POLDIP3: variants seen among roughly 807,000 people sequenced by gnomAD.
POLDIP3 encodes the protein DNA polymerase delta interacting protein 3, also known as polymerase delta-interacting protein 3.
A neutral mutation model predicts 45.1 loss-of-function variants in POLDIP3; 14 were observed. The ratio of observed to expected loss-of-function variants is 0.31; its 90% confidence interval spans 0.20 to 0.49. The LOEUF is 0.49. POLDIP3 is among the 20% of genes least tolerant of loss of function. The pLI is 0.99. For missense variants in POLDIP3, 511 were observed against 538.8 expected (o/e 0.95, Z 0.51); for synonymous variants, 223 against 205.2 (o/e 1.09, Z -0.74).
rs113200255 is a variant in POLDIP3, at chr22:42,593,776, C to G, written c.892-1692G>C. 8.2e-3 allele frequency among the ~76,000 whole-genome samples: 1,249 copies of G among 152,242 alleles called. 20 individuals carry two copies. The highest frequency in any genetic ancestry group is 0.029 in the African/African-American group (1,217 of 41,546). ...TCAGGTGATCCACCAACCTTGGCCT[C>G]CCAAAGTGCTGGGATTACAGGCGTG... On this transcript the variant is annotated intron_variant, in intron 6 of 8. Coordinates refer to ENST00000252115, the MANE Select transcript of POLDIP3 (RefSeq NM_032311.5).
rs1926515804 is a variant in POLDIP3 at position 42,603,223 on chromosome 22, CG to C, written c.60-64del. 26 of 1,551,336 alleles carry C rather than the reference CG, an allele frequency of 1.7e-5. No individual in the cohort carries two copies. The South Asian group carries it at 2.9e-4, about 17-fold the overall frequency. On this transcript the variant is annotated intron_variant, in intron 1 of 8. Transcript: ENST00000252115. ...GGGTATCTACAGCAGTCTATGAAAG[CG>C]GAACTGTGGTAACACTGGGGACAGA...
In POLDIP3 at chr22:42,601,953, TCA is replaced by T. The variant is rs1401497785; in HGVS notation, c.537+15_537+16del. ...TACACACAGATTCTCTCTCTCTCTC[TCA>T]CTCACTCACTCTACCTGTTTGGCCT... On this transcript the variant is annotated intron_variant, in intron 3 of 8. Transcript: ENST00000252115. 2.5e-6 allele frequency: 4 copies of T among 1,608,470 alleles called. No individual in the cohort carries two copies. The highest frequency in any genetic ancestry group is 1.3e-5 in the African/African-American group (1 of 74,744).
intron 2 of POLDIP3, 61 bp downstream of exon 2, chr22:42,602,709 G>A: frequency 1.3e-6 from 2 of 1,522,920 alleles, no homozygotes; most frequent in Non-Finnish European, 1.8e-6. Context: ...CTGGCACCTT[G>A]CCTCTAAATC....
intron 1 of POLDIP3, among the ~76,000 whole-genome samples, chr22:42,610,889 G>T (rs1458884205): frequency 2.0e-5 from 3 of 152,166 alleles, no homozygotes; most frequent in Non-Finnish European, 4.4e-5. Context: ...CTGGATGACA[G>T]AGCAAGATCC....
rs550774418 is a variant in POLDIP3 at position 42,608,226 on chromosome 22, C to T, written c.60-5066G>A. 5.3e-5 allele frequency among the ~76,000 whole-genome samples: 8 copies of T among 151,134 alleles called. No homozygotes were observed. The South Asian group carries it at 1.5e-3, about 28-fold the overall frequency. On this transcript the variant is annotated intron_variant, in intron 1 of 8. Transcript: ENST00000252115. The stretch of plus-strand genomic sequence containing the variant: ...TCTGTACTAAGAAAAATTCTTCTGC[C>T]TTGGGATGCTGTTAATCTATAACCT...
At position 42,585,135 on chromosome 22, in the gene POLDIP3, AGACGACACGG is replaced by A. The variant is rs1344420932; in HGVS notation, c.*646_*655del. 2.3e-6 allele frequency: 1 copy of A among 440,102 alleles called. No homozygotes were observed. The highest frequency in any genetic ancestry group is 4.6e-6 in the Non-Finnish European group (1 of 219,250). The allele number at this position is 440,102 out of a possible 1,614,324, so 27.3% of individuals were successfully genotyped here. ...ACTCTGGAGAACTTCCTCTGGGTGG[AGACGACACGG>A]GACTCCAAGCCAAGAGCTTAGATAG... On this transcript the variant is annotated 3_prime_UTR_variant, in exon 9 of 9. Coordinates refer to ENST00000252115, the MANE Select transcript of POLDIP3 (RefSeq NM_032311.5).
In POLDIP3 at chr22:42,592,047, C is replaced by T. The variant is rs1925698028; in HGVS notation, c.929G>A (p.Arg310Gln). ...CTCCGCTACCCCAGGATGGACCAGT[C>T]GAGCTCGCTTGAGGGCCCCACACAC... ...FCVCGALKRARLVHPGVAEVV... is the reference protein window; with the variant it reads ...FCVCGALKRAQLVHPGVAEVV... Residue 310 changes from arginine (R) to glutamine (Q), a missense_variant, in exon 7 of 9, where the codon CGA becomes CAA. Arg to Gln is a conservative substitution (Grantham distance 43, BLOSUM62 1). Transcript: ENST00000252115. 9 of 1,614,238 alleles carry T rather than the reference C, an allele frequency of 5.6e-6. No homozygotes were observed. The highest frequency in any genetic ancestry group is 1.3e-5 in the African/African-American group (1 of 75,074).
In POLDIP3 at chr22:42,602,645, C is replaced by G. The variant is rs1601900112; in HGVS notation, c.450+125G>C. 3.5e-6 allele frequency: 4 copies of G among 1,130,790 alleles called. No individual in the cohort carries two copies. In the East Asian group the frequency reaches 9.5e-5, roughly 27 times the overall value. 70.0% of individuals were successfully genotyped at this position (1,130,790 alleles called of 1,614,324 possible). On this transcript the variant is annotated intron_variant, in intron 2 of 8. Coordinates refer to ENST00000252115, the MANE Select transcript of POLDIP3 (RefSeq NM_032311.5). ...ACGTACTTAAAGCCTCTGTAAGGAG[C>G]AAAGTCTGTATTATGCCAACACTTG... is the stretch of plus-strand genomic sequence containing the variant.
chr22:42,611,588 G>C (rs1540311), intron 1 of POLDIP3, among the ~76,000 whole-genome samples: 34,697 of 152,216 alleles, frequency 0.23, 4,920 homozygotes, highest in South Asian at 0.34. Flanking sequence ...GATTCTTCTA[G>C]GCAGTATGTA....
At chr22:42,588,516 G>A (rs1387294500) in intron 7 of POLDIP3, among the ~76,000 whole-genome samples, 2 of 149,098 alleles carry the variant, frequency 1.3e-5, no homozygotes, top group East Asian at 3.9e-4. Context: ...TATTAAATAT[G>A]AATGGATTAA....
At chr22:42,602,506 T>C (rs1926456485) in intron 2 of POLDIP3, among the ~76,000 whole-genome samples, 1 of 152,206 alleles carries the variant, frequency 6.6e-6, no homozygotes, top group Admixed American at 6.5e-5. Context: ...TCCTCTCTCT[T>C]TCTTCCACCA....
Position 42,585,461 on chromosome 22 carries a change from G to C in POLDIP3, c.*330C>G. ...CACGCTGCATCCCATGGGGCCACAA[G>C]AAAGCCACCCAGAGAATTCAGTGTA... is the stretch of plus-strand genomic sequence containing the variant. On this transcript the variant is annotated 3_prime_UTR_variant, in exon 9 of 9. Transcript: ENST00000252115. 1 of 365,014 alleles carries C rather than the reference G, an allele frequency of 2.7e-6. No homozygotes were observed. The highest frequency in any genetic ancestry group is 5.3e-6 in the Non-Finnish European group (1 of 189,566). The allele number at this position is 365,014 out of a possible 1,614,324, so 22.6% of individuals were successfully genotyped here.
chr22:42,590,986 G>A (rs1925630193), intron 7 of POLDIP3, among the ~76,000 whole-genome samples: 1 of 151,910 alleles, frequency 6.6e-6, no homozygotes. Flanking sequence ...AGGCAGGAAA[G>A]CCGCTTGAAC....
chr22:42,611,639 C>A (rs2146839662), intron 1 of POLDIP3, among the ~76,000 whole-genome samples: 1 of 152,316 alleles, frequency 6.6e-6, no homozygotes, highest in African/African-American at 2.4e-5. Flanking sequence ...CTTTGGGAGG[C>A]TGAGACGGGT....
chr22:42,595,527 C>A lies in POLDIP3; in HGVS notation c.891+10G>T. On this transcript the variant is annotated intron_variant, in intron 6 of 8. Transcript: ENST00000252115. The stretch of plus-strand genomic sequence containing the variant: ...TGAGATTTAAATGTTTGGTAGGTCA[C>A]AGTACTTACAACAATGTCCTCCTCA... The A allele has an allele frequency of 6.2e-7, 1 of 1,612,086 alleles. No individual in the cohort carries two copies. The highest frequency in any genetic ancestry group is 8.5e-7 in the Non-Finnish European group (1 of 1,178,140).
At chr22:42,589,365 C>CA (rs563607295) in intron 7 of POLDIP3, among the ~76,000 whole-genome samples, 64 of 150,682 alleles carry the variant, frequency 4.2e-4, no homozygotes, top group South Asian at 1.7e-3. Context: ...TTTAAAACAA[C>CA]AAAAAAAGTG....
chr22:42,606,059 T>A (rs967933597), intron 1 of POLDIP3, among the ~76,000 whole-genome samples: 1 of 152,046 alleles, frequency 6.6e-6, no homozygotes, highest in Non-Finnish European at 1.5e-5. Flanking sequence ...GGAGAATCAG[T>A]TGAACCCAGG....
chr22:42,607,815 T>A (rs1362748042), intron 1 of POLDIP3, among the ~76,000 whole-genome samples: 1 of 145,390 alleles, frequency 6.9e-6, no homozygotes, highest in Non-Finnish European at 1.5e-5. Flanking sequence ...GTCTGGGAGG[T>A]GAGGAGCTTC....
chr22:42,587,908 A>C (rs548538239), intron 7 of POLDIP3, among the ~76,000 whole-genome samples: 7 of 152,334 alleles, frequency 4.6e-5, no homozygotes, highest in African/African-American at 1.7e-4. Context: ...AATTCAGTGA[A>C]AAGATGATCA....
Sources: gnomAD v4.1 joint callset for allele counts (sites outside exome capture counted in the v4.1 genomes callset) on GRCh38, gnomAD v4.1.1 for gene constraint, MANE v1.5 for transcripts, NCBI Gene and HGNC (gene_info 2026-07-23, HGNC 2026-07-21) for gene names.